The following TMEM132D variants were observed in gnomAD, a reference collection of about 807,000 sequenced individuals.
TMEM132D encodes mature OL transmembrane protein.
Under a neutral mutation model 62.3 loss-of-function variants are expected in TMEM132D, and 21 were observed. That is an observed-to-expected ratio of 0.34 (90% CI 0.24 to 0.49). The LOEUF (loss-of-function observed/expected upper bound fraction) is 0.49. TMEM132D is among the 20% of genes least tolerant of loss of function. The pLI is 0.99. For synonymous variants in TMEM132D, 621 were observed against 575.6 expected, an observed-to-expected ratio of 1.08 and a Z score of -1.13; for missense variants, 1,346 against 1,402.8, an observed-to-expected ratio of 0.96 and a Z score of 0.65.
At chr12:129,404,922 T>C (rs1871735459) in intron 3 of TMEM132D, among the ~76,000 whole-genome samples, 2 of 152,026 alleles carry the variant, frequency 1.3e-5, no homozygotes, top group South Asian at 2.1e-4. Context: ...GCTAAAAAGA[T>C]CATTTATTTT....
At chr12:129,227,957 A>C (rs930789205) in intron 4 of TMEM132D, among the ~76,000 whole-genome samples, 2 of 152,156 alleles carry the variant, frequency 1.3e-5, no homozygotes, top group African/African-American at 4.8e-5. Flanking sequence ...ATAGTATTCC[A>C]CGGTGTATAC....
At chr12:129,643,847 ATT>A (rs531369497) in intron 2 of TMEM132D, among the ~76,000 whole-genome samples, 43,035 of 141,978 alleles carry the variant, frequency 0.3, 6,315 homozygotes, top group Middle Eastern at 0.35. Context: ...CCAATGTACC[ATT>A]TTTTTTTTTT....
At chr12:129,136,475 G>C (rs1253244742) in intron 5 of TMEM132D, among the ~76,000 whole-genome samples, 1 of 152,198 alleles carries the variant, frequency 6.6e-6, no homozygotes, top group Non-Finnish European at 1.5e-5. Context: ...GGATTAAATT[G>C]AGGTTAGGCA....
chr12:129,828,512 T>C (rs1471683275), intron 1 of TMEM132D, among the ~76,000 whole-genome samples: 1 of 151,206 alleles, frequency 6.6e-6, no homozygotes, highest in Non-Finnish European at 1.5e-5. Context: ...TCACAACCAT[T>C]ACCTATTACG....
intron 1 of TMEM132D, among the ~76,000 whole-genome samples, chr12:129,899,595 TGATA>T (rs903579976): frequency 1.3e-5 from 2 of 152,170 alleles, no homozygotes; most frequent in South Asian, 2.1e-4. Flanking sequence ...ACAGAAAAAT[TGATA>T]GATAAATTCT....
intron 1 of TMEM132D, among the ~76,000 whole-genome samples, chr12:129,733,742 G>T (rs762382200): frequency 1.5e-4 from 23 of 152,160 alleles, no homozygotes; most frequent in Non-Finnish European, 2.9e-4. Flanking sequence ...AGGCTGTCAT[G>T]ATAATTCCAG....
chr12:129,403,660 C>T (rs532886039), intron 3 of TMEM132D, among the ~76,000 whole-genome samples: 146 of 152,178 alleles, frequency 9.6e-4, no homozygotes, highest in African/African-American at 3.4e-3. Flanking sequence ...GGGAAGAACA[C>T]GGGGAAAACG....
chr12:129,659,112 A>T (rs1434266369), intron 2 of TMEM132D, among the ~76,000 whole-genome samples: 1 of 151,880 alleles, frequency 6.6e-6, no homozygotes, highest in Non-Finnish European at 1.5e-5. Context: ...GGGTTTCGTC[A>T]TGTTGTCCAG....
At position 129,387,481 on chromosome 12, in the gene TMEM132D, A is replaced by G. The variant is rs1871142954; in HGVS notation, c.1116-49664T>C. ...AATACTATGTGCCAACACTAACACC[A>G]CTCTAACACTAACGTTAATGCCAAC... On this transcript the variant is annotated intron_variant, in intron 3 of 8. Transcript: ENST00000422113. Among the ~76,000 whole-genome samples the G allele has an allele frequency of 2.0e-5, 3 of 152,172 alleles. No individual in the cohort carries two copies. The South Asian group carries it at 6.2e-4, about 32-fold the overall frequency.
chr12:129,839,488 C>G (rs1411592422), intron 1 of TMEM132D, among the ~76,000 whole-genome samples: 1 of 151,878 alleles, frequency 6.6e-6, no homozygotes, highest in Non-Finnish European at 1.5e-5. Context: ...GTCTTGAACT[C>G]CTGACCTCAG....
intron 3 of TMEM132D, among the ~76,000 whole-genome samples, chr12:129,409,121 C>T (rs905274747): frequency 7.2e-5 from 11 of 152,026 alleles, no homozygotes; most frequent in African/African-American, 2.2e-4. Flanking sequence ...TCAGTAGACA[C>T]GGGGTTTCAC....
chr12:129,325,327 T>C (rs1297939328), intron 4 of TMEM132D, among the ~76,000 whole-genome samples: 1 of 152,206 alleles, frequency 6.6e-6, no homozygotes, highest in African/African-American at 2.4e-5. Context: ...GAATACAGAA[T>C]GTGGCAAGAT....
At chr12:129,809,633 T>C (rs1176579181) in intron 1 of TMEM132D, among the ~76,000 whole-genome samples, 1 of 152,182 alleles carries the variant, frequency 6.6e-6, no homozygotes. Context: ...CTCTAGCTCA[T>C]TTGTAAAGTG....
chr12:129,862,284 C>G (rs1219741610), intron 1 of TMEM132D, among the ~76,000 whole-genome samples: 1 of 152,250 alleles, frequency 6.6e-6, no homozygotes, highest in Non-Finnish European at 1.5e-5. Flanking sequence ...CTCTAAATTT[C>G]AAGCCTCAAA....
At chr12:129,684,715 G>A (rs1880865091) in intron 2 of TMEM132D, among the ~76,000 whole-genome samples, 1 of 152,022 alleles carries the variant, frequency 6.6e-6, no homozygotes, top group Non-Finnish European at 1.5e-5. Flanking sequence ...AGGAATATGT[G>A]GAAAAGTTTG....
intron 4 of TMEM132D, chr12:129,262,370 T>C (rs1880572814): frequency 6.6e-6 from 1 of 152,208 alleles, no homozygotes; most frequent in African/African-American, 2.4e-5. Context: ...GATCATTAGC[T>C]TGCTAGGTAC....
chr12:129,545,251 G>A (rs1322486536), intron 2 of TMEM132D, among the ~76,000 whole-genome samples: 1 of 152,130 alleles, frequency 6.6e-6, no homozygotes, highest in Non-Finnish European at 1.5e-5. Context: ...CATGGGAAGG[G>A]AGAAAAATCA....
intron 2 of TMEM132D, chr12:129,682,801 G>C (rs1426084654): frequency 6.9e-6 from 1 of 145,952 alleles, no homozygotes; most frequent in Non-Finnish European, 1.5e-5. Context: ...GGAGCTTGCA[G>C]TGAGCCGAGA....
Position 129,531,216 on chromosome 12 carries a change from C to A in TMEM132D, c.969-11G>T, listed in dbSNP as rs1451571398. ...TTCTTCACCTTTGCCCTGTTGGAGACAGCACGTGTGGGTCTGAGTCAGCTC... is the reference window on the plus strand; with the variant it reads ...TTCTTCACCTTTGCCCTGTTGGAGAAAGCACGTGTGGGTCTGAGTCAGCTC... On this transcript the variant is annotated splice_polypyrimidine_tract_variant and intron_variant, in intron 2 of 8. Transcript: ENST00000422113. The A allele has an allele frequency of 1.9e-6, 3 of 1,603,318 alleles. No homozygotes were observed. Among genetic ancestry groups the A allele is most frequent in the Non-Finnish European group, 2.6e-6 (3 of 1,174,204 alleles).
Sources: allele counts gnomAD v4.1 joint callset (sites outside exome capture counted in the v4.1 genomes callset), GRCh38; gene constraint gnomAD v4.1.1; transcripts MANE v1.5; gene names NCBI Gene and HGNC (gene_info 2026-07-23, HGNC 2026-07-21).